Variants in NBAS observed in about 807,000 individuals in gnomAD.
NBAS encodes the protein NBAS subunit of NRZ tethering complex.
NBAS carries 219 observed loss-of-function variants against 302.5 expected under a neutral mutation model. The observed-to-expected ratio is 0.72, with a 90% CI of 0.65 to 0.81. NBAS has a LOEUF of 0.81. Among genes scored for constraint, NBAS ranks in the 30% least tolerant of loss-of-function variants. The pLI is 0.00. For synonymous variants in NBAS, 1,118 were observed against 1,021.6 expected, an observed-to-expected ratio of 1.09 and a Z score of -1.80; for missense variants, 2,932 against 2,841.6, an observed-to-expected ratio of 1.03 and a Z score of -0.72.
At chr2:14,898,441 G>T in the NBAS span, among the ~76,000 whole-genome samples, 1 of 152,156 alleles carries the variant, frequency 6.6e-6, no homozygotes, top group Non-Finnish European at 1.5e-5. Context: ...GAAAGAGAGG[G>T]TTTCAGACTA....
At chr2:15,530,409 T>C (rs1201304169) in intron 9 of NBAS, among the ~76,000 whole-genome samples, 1 of 151,778 alleles carries the variant, frequency 6.6e-6, no homozygotes, top group African/African-American at 2.4e-5. Context: ...AAAAAGGAGA[T>C]GCAGCACAAA....
chr2:15,479,659 G>A (rs1316040006), intron 12 of NBAS, among the ~76,000 whole-genome samples: 2 of 152,180 alleles, frequency 1.3e-5, no homozygotes, highest in Non-Finnish European at 2.9e-5. Context: ...AGAATTCAAA[G>A]TGTGCATGTC....
chr2:15,440,000 C>T (rs951062785), intron 21 of NBAS, among the ~76,000 whole-genome samples: 10 of 152,202 alleles, frequency 6.6e-5, no homozygotes, highest in Admixed American at 3.9e-4. Context: ...ACAAAGCAGG[C>T]GGGAAGCTCG....
At chr2:15,368,022 A>T (rs1674294425) in intron 31 of NBAS, among the ~76,000 whole-genome samples, 1 of 152,174 alleles carries the variant, frequency 6.6e-6, no homozygotes, top group African/African-American at 2.4e-5. Flanking sequence ...ATACATACAC[A>T]TATTTATAAT....
At chr2:15,446,394 G>A (rs1322974730) in intron 21 of NBAS, among the ~76,000 whole-genome samples, 1 of 152,164 alleles carries the variant, frequency 6.6e-6, no homozygotes, top group Non-Finnish European at 1.5e-5. Context: ...GAAGACAGCA[G>A]GGTAGCTCCA....
At chr2:15,074,615 T>C in the NBAS span, among the ~76,000 whole-genome samples, 1 of 151,694 alleles carries the variant, frequency 6.6e-6, no homozygotes, top group Non-Finnish European at 1.5e-5. Context: ...TATTATATAA[T>C]AGGAGAAAAA....
At chr2:15,012,985 G>A in the NBAS span, among the ~76,000 whole-genome samples, 4 of 152,078 alleles carry the variant, frequency 2.6e-5, no homozygotes, top group Non-Finnish European at 5.9e-5. Flanking sequence ...AGCCTCCCAA[G>A]TAGCTGGGAT....
chr2:15,073,468 C>A, the NBAS span, among the ~76,000 whole-genome samples: 2 of 141,752 alleles, frequency 1.4e-5, no homozygotes, highest in African/African-American at 2.8e-5. Flanking sequence ...AAGAGTGAAA[C>A]TCCTTCTCAA....
intron 51 of NBAS, among the ~76,000 whole-genome samples, chr2:15,176,492 A>G (rs1328891641): frequency 6.6e-6 from 1 of 151,918 alleles, no homozygotes; most frequent in East Asian, 1.9e-4. Context: ...TACACTCAAG[A>G]GTGTCTGCAA....
At chr2:15,307,743 T>C (rs1671092077) in intron 40 of NBAS, among the ~76,000 whole-genome samples, 1 of 152,182 alleles carries the variant, frequency 6.6e-6, no homozygotes, top group South Asian at 2.1e-4. Flanking sequence ...CTGAGGTTTT[T>C]GGCAAGTATG....
chr2:14,853,763 T>C, the NBAS span, among the ~76,000 whole-genome samples: 1 of 116,048 alleles, frequency 8.6e-6, no homozygotes, highest in Non-Finnish European at 1.8e-5. Context: ...TGAGTTCATG[T>C]CCTTTGTAAG....
chr2:15,269,127 A>G (rs1323848903), intron 44 of NBAS, among the ~76,000 whole-genome samples: 1 of 152,182 alleles, frequency 6.6e-6, no homozygotes, highest in Non-Finnish European at 1.5e-5. Flanking sequence ...GAGATTCCCC[A>G]GCAAAAAGAC....
At chr2:15,039,984 C>T in the NBAS span, among the ~76,000 whole-genome samples, 1 of 152,166 alleles carries the variant, frequency 6.6e-6, no homozygotes, top group Non-Finnish European at 1.5e-5. Flanking sequence ...ATCTTCAAGA[C>T]GGTGATCCAT....
At chr2:15,308,149 G>A (rs1489785304) in intron 40 of NBAS, 67 bp downstream of exon 40, 3 of 1,604,846 alleles carry the variant, frequency 1.9e-6, no homozygotes, top group African/African-American at 2.7e-5. Flanking sequence ...AATTAAACAC[G>A]TGTTTTGAGT....
chr2:15,388,892 T>C (rs564315763), intron 28 of NBAS, among the ~76,000 whole-genome samples: 2 of 152,222 alleles, frequency 1.3e-5, no homozygotes, highest in South Asian at 4.2e-4. Flanking sequence ...CAAATGTATA[T>C]ACTATATAAT....
chr2:15,239,332 T>C (rs1667751047), intron 44 of NBAS, among the ~76,000 whole-genome samples: 1 of 150,580 alleles, frequency 6.6e-6, no homozygotes, highest in Admixed American at 6.6e-5. Context: ...CTATTTTATG[T>C]GTGTGTGTAT....
the NBAS span, among the ~76,000 whole-genome samples, chr2:15,051,091 T>C: frequency 6.6e-6 from 1 of 152,138 alleles, no homozygotes; most frequent in African/African-American, 2.4e-5. Context: ...GGGGTCTCAA[T>C]AAATATTTGT....
chr2:15,356,153 C>T, intron 33 of NBAS, 150 bp downstream of exon 33: 1 of 698,712 alleles, frequency 1.4e-6, no homozygotes, highest in Non-Finnish European at 2.6e-6. Context: ...AAGTACACAG[C>T]CTATATACTT....
intron 48 of NBAS, among the ~76,000 whole-genome samples, chr2:15,208,471 C>T (rs527686669): frequency 1.3e-4 from 20 of 152,234 alleles, no homozygotes; most frequent in East Asian, 1.2e-3. Flanking sequence ...CTTCAACACC[C>T]GACTTTCAGC....
Sources: gnomAD v4.1 joint callset for allele counts (sites outside exome capture counted in the v4.1 genomes callset) on GRCh38, gnomAD v4.1.1 for gene constraint, MANE v1.5 for transcripts, NCBI Gene and HGNC (gene_info 2026-07-23, HGNC 2026-07-21) for gene names.